Variants in ERBB4 observed in about 807,000 individuals in gnomAD.
ERBB4 encodes erb-b2 receptor tyrosine kinase 4, also known as receptor tyrosine-protein kinase erbB-4.
Under a neutral mutation model 158.0 loss-of-function variants are expected in ERBB4, and 42 were observed. The observed-to-expected ratio is 0.27, with a 90% CI of 0.21 to 0.34. The LOEUF is 0.34. Among genes scored for constraint, ERBB4 ranks in the 10% least tolerant of loss-of-function variants. The pLI is 1.00. For synonymous variants in ERBB4, 583 were observed against 558.7 expected (o/e 1.04, Z -0.61); for missense variants, 1,333 against 1,624.1 (o/e 0.82, Z 3.08).
At chr2:211,689,418 C>T (rs540615132) in intron 12 of ERBB4, among the ~76,000 whole-genome samples, 7 of 152,194 alleles carry the variant, frequency 4.6e-5, no homozygotes, top group South Asian at 4.2e-4. Flanking sequence ...AGGCTGGTCT[C>T]GAACTCTGGG....
At chr2:211,461,923 A>C (rs2064543175) in intron 20 of ERBB4, among the ~76,000 whole-genome samples, 2 of 151,646 alleles carry the variant, frequency 1.3e-5, no homozygotes, top group Non-Finnish European at 2.9e-5. Context: ...ACAAAAAAAA[A>C]CTCTGACTGG....
intron 20 of ERBB4, among the ~76,000 whole-genome samples, chr2:211,477,892 T>G (rs979843352): frequency 1.3e-5 from 2 of 152,168 alleles, no homozygotes; most frequent in African/African-American, 4.8e-5. Context: ...GGTAACTTTT[T>G]GCATAATGGT....
chr2:212,065,875 C>A (rs868024884), intron 2 of ERBB4, among the ~76,000 whole-genome samples: 4 of 151,970 alleles, frequency 2.6e-5, no homozygotes, highest in Non-Finnish European at 5.9e-5. Flanking sequence ...TGTGCTTGTT[C>A]TCAGTGAAGC....
chr2:211,887,084 C>T (rs1158907006), intron 3 of ERBB4, among the ~76,000 whole-genome samples: 8 of 152,108 alleles, frequency 5.3e-5, no homozygotes, highest in African/African-American at 1.9e-4. Flanking sequence ...ACTTAATTGG[C>T]TCTGGTAATA....
chr2:212,535,214 C>T (rs572922913), intron 1 of ERBB4, among the ~76,000 whole-genome samples: 48 of 151,984 alleles, frequency 3.2e-4, no homozygotes, highest in African/African-American at 1.2e-3. Flanking sequence ...AAAAAAATAA[C>T]ACCTTCTTCT....
intron 20 of ERBB4, among the ~76,000 whole-genome samples, chr2:211,536,570 T>C (rs996443629): frequency 2.0e-5 from 3 of 151,830 alleles, no homozygotes; most frequent in Middle Eastern, 3.4e-3. Context: ...ATAGGAAATA[T>C]CAAGGACAGC....
chr2:212,257,286 T>C (rs557458990), intron 1 of ERBB4, among the ~76,000 whole-genome samples: 11 of 152,168 alleles, frequency 7.2e-5, no homozygotes, highest in Admixed American at 3.3e-4. Context: ...TTAGGTGATA[T>C]GGAATCTTAA....
chr2:211,955,629 T>C (rs2125160364), intron 2 of ERBB4, among the ~76,000 whole-genome samples: 1 of 152,308 alleles, frequency 6.6e-6, no homozygotes, highest in East Asian at 1.9e-4. Context: ...GAGTATATTC[T>C]CATAACAAGT....
intron 19 of ERBB4, among the ~76,000 whole-genome samples, chr2:211,577,467 C>T (rs902708607): frequency 6.6e-6 from 1 of 151,958 alleles, no homozygotes; most frequent in African/African-American, 2.4e-5. Context: ...TTTATGAGGC[C>T]AGTATCATCC....
intron 3 of ERBB4, among the ~76,000 whole-genome samples, chr2:211,802,811 C>T (rs1244492509): frequency 6.6e-6 from 1 of 152,134 alleles, no homozygotes; most frequent in Non-Finnish European, 1.5e-5. Context: ...GTGGAGAAGA[C>T]GCTCCCTTTT....
chr2:211,739,690 C>T (rs1435834896), intron 5 of ERBB4, among the ~76,000 whole-genome samples: 3 of 152,184 alleles, frequency 2.0e-5, no homozygotes, highest in Non-Finnish European at 4.4e-5. Flanking sequence ...AGGATGGTCT[C>T]GATCTCTTGA....
chr2:212,346,376 T>A (rs2089001208), intron 1 of ERBB4, among the ~76,000 whole-genome samples: 1 of 152,056 alleles, frequency 6.6e-6, no homozygotes. Flanking sequence ...TAAAGCCAAA[T>A]ACATAATGTC....
intron 3 of ERBB4, among the ~76,000 whole-genome samples, chr2:211,867,022 AC>A (rs747604785): frequency 8.8e-4 from 116 of 131,230 alleles, no homozygotes; most frequent in African/African-American, 3.1e-3. Flanking sequence ...ATTCCTTAAA[AC>A]CAAAAAAAAA....
intron 2 of ERBB4, among the ~76,000 whole-genome samples, chr2:211,968,380 A>T (rs766143395): frequency 1.7e-4 from 26 of 152,054 alleles, no homozygotes; most frequent in Non-Finnish European, 2.9e-4. Flanking sequence ...ATATTCTACA[A>T]TGAGAAATAT....
At chr2:211,792,326 C>T (rs764824193) in intron 3 of ERBB4, among the ~76,000 whole-genome samples, 9 of 151,624 alleles carry the variant, frequency 5.9e-5, no homozygotes, top group Non-Finnish European at 8.9e-5. Context: ...CAAGGTGATA[C>T]ACAATAAATA....
chr2:211,505,710 C>G (rs550672674), intron 20 of ERBB4, among the ~76,000 whole-genome samples: 9 of 152,120 alleles, frequency 5.9e-5, no homozygotes, highest in Non-Finnish European at 1.3e-4. Context: ...CCTGTAATCC[C>G]AGCACTTTGG....
intron 1 of ERBB4, among the ~76,000 whole-genome samples, chr2:212,316,059 G>A (rs958548824): frequency 2.0e-5 from 3 of 151,456 alleles, no homozygotes; most frequent in African/African-American, 7.3e-5. Context: ...AACTATGTGA[G>A]TGACCAGAAG....
chr2:211,555,035 T>C (rs17413177), intron 20 of ERBB4, among the ~76,000 whole-genome samples: 8,315 of 152,276 alleles, frequency 0.055, 263 homozygotes, highest in Middle Eastern at 0.14. Flanking sequence ...CCTGGATTCA[T>C]AAAGCATCAA....
At chr2:211,552,376 G>T (rs2067121412) in intron 20 of ERBB4, among the ~76,000 whole-genome samples, 3 of 151,992 alleles carry the variant, frequency 2.0e-5, no homozygotes, top group Admixed American at 2.0e-4. Context: ...AATTATTTTG[G>T]CTAGACACAC....
Sources: allele counts gnomAD v4.1 joint callset (sites outside exome capture counted in the v4.1 genomes callset), GRCh38; gene constraint gnomAD v4.1.1; transcripts MANE v1.5; gene names NCBI Gene and HGNC (gene_info 2026-07-23, HGNC 2026-07-21).